The following ADGRV1 variants were observed in gnomAD, a reference collection of about 807,000 sequenced individuals.
The protein encoded by ADGRV1 is adhesion G protein-coupled receptor V1, also known as G-protein coupled receptor 98.
Under a neutral mutation model 596.2 loss-of-function variants are expected in ADGRV1, and 359 were observed. The observed-to-expected ratio is 0.60, with a 90% CI of 0.55 to 0.66. The LOEUF is 0.66. Among genes scored for constraint, ADGRV1 ranks in the 30% least tolerant of loss-of-function variants. ADGRV1 has a pLI of 0.00. For synonymous variants in ADGRV1, 2,681 were observed against 2,679.2 expected, an observed-to-expected ratio of 1.00 and a Z score of -0.02; for missense variants, 7,274 against 7,575.6, an observed-to-expected ratio of 0.96 and a Z score of 1.48.
intron 15 of ADGRV1, among the ~76,000 whole-genome samples, chr5:90,645,178 G>A (rs75840032): frequency 2.6e-5 from 4 of 152,242 alleles, no homozygotes; most frequent in African/African-American, 4.8e-5. Flanking sequence ...CATCTATCAA[G>A]TGTCCTGTGG....
intron 87 of ADGRV1, among the ~76,000 whole-genome samples, chr5:91,137,089 A>G (rs985165517): frequency 6.6e-6 from 1 of 152,208 alleles, no homozygotes; most frequent in African/African-American, 2.4e-5. Context: ...AAAATTGGCT[A>G]TGCAATAAAT....
Position 90,848,639 on chromosome 5 carries a change from AACT to A in ADGRV1, c.17026_17028del (p.Thr5676del), listed in dbSNP as rs1766156284. 2.1e-6 allele frequency: 3 copies of A among 1,462,194 alleles called. No individual in the cohort carries two copies. The highest frequency in any genetic ancestry group is 1.8e-6 in the Non-Finnish European group (2 of 1,108,718). The allele number at this position is 1,462,194 out of a possible 1,614,324, so 90.6% of individuals were successfully genotyped here. On this transcript the variant is annotated inframe_deletion, in exon 79 of 90. Transcript: ENST00000405460. ...TTATACTTAGATTCTTTTTCCAGAT[AACT>A]ACTGAAGGAAAAATTCAAGCTTTCA...
chr5:91,003,645 T>C (rs952434583), intron 85 of ADGRV1, among the ~76,000 whole-genome samples: 5 of 152,126 alleles, frequency 3.3e-5, no homozygotes, highest in Admixed American at 6.6e-5. Context: ...CACACTAAAA[T>C]TTAGGAAGAT....
chr5:90,691,255 T>C, intron 31 of ADGRV1: 1 of 619,342 alleles, frequency 1.6e-6, no homozygotes, highest in South Asian at 1.6e-5. Context: ...TTTACTACTA[T>C]AAGACTTTTT....
intron 65 of ADGRV1, 120 bp from the exon 66 acceptor site, chr5:90,783,004 A>G (rs113674072): frequency 0.023 from 16,913 of 749,272 alleles, 269 homozygotes; most frequent in Middle Eastern, 0.06. Context: ...TAAAAGAACT[A>G]TGAAAACATA....
intron 87 of ADGRV1, among the ~76,000 whole-genome samples, chr5:91,112,634 A>T (rs1007526280): frequency 1.3e-5 from 2 of 152,090 alleles, no homozygotes; most frequent in Non-Finnish European, 2.9e-5. Flanking sequence ...AGGATCTAAA[A>T]CTTTATTCTT....
At chr5:90,984,471 T>C (rs185217335) in intron 84 of ADGRV1, among the ~76,000 whole-genome samples, 5 of 152,300 alleles carry the variant, frequency 3.3e-5, no homozygotes, top group East Asian at 3.9e-4. Flanking sequence ...TTCTTACTCT[T>C]ATTTATTTAA....
Position 90,647,388 on chromosome 5 carries a change from G to A in ADGRV1, c.3023-110G>A, listed in dbSNP as rs533032136. ...GAACAGAGCTAATTATTTTGGCAAA[G>A]ACACAGTACAAGGCTTCTCTCTTGG... On this transcript the variant is annotated intron_variant, in intron 16 of 89. Transcript: ENST00000405460. 3.2e-5 allele frequency: 35 copies of A among 1,087,218 alleles called. No homozygotes were observed. In the East Asian group the frequency reaches 8.1e-4, roughly 25 times the overall value. 67.3% of individuals were successfully genotyped at this position (1,087,218 alleles called of 1,614,324 possible). A position where few individuals can be genotyped will look rare whatever the true frequency, so the allele number is the denominator to read the frequency against.
intron 59 of ADGRV1, among the ~76,000 whole-genome samples, chr5:90,766,103 G>GT (rs1355723417): frequency 6.6e-6 from 1 of 151,972 alleles, no homozygotes; most frequent in Non-Finnish European, 1.5e-5. Flanking sequence ...GTGAGACAGG[G>GT]TTTCACTGTG....
intron 85 of ADGRV1, among the ~76,000 whole-genome samples, chr5:90,992,331 C>G (rs1781040585): frequency 6.6e-6 from 1 of 152,202 alleles, no homozygotes; most frequent in Non-Finnish European, 1.5e-5. Context: ...ATACCTTGTT[C>G]TCTTAGTTTG....
At chr5:90,599,701 G>A (rs1025124069) in intron 1 of ADGRV1, among the ~76,000 whole-genome samples, 1 of 151,916 alleles carries the variant, frequency 6.6e-6, no homozygotes, top group East Asian at 1.9e-4. Flanking sequence ...TAAGCATATC[G>A]ACAAAACATC....
At chr5:90,834,124 AT>A in intron 77 of ADGRV1, among the ~76,000 whole-genome samples, 1 of 152,172 alleles carries the variant, frequency 6.6e-6, no homozygotes, top group Middle Eastern at 3.4e-3. Flanking sequence ...TGTAGTTATT[AT>A]TTTTTATCCG....
chr5:90,918,752 T>C (rs767580829), intron 83 of ADGRV1, among the ~76,000 whole-genome samples: 3 of 152,206 alleles, frequency 2.0e-5, no homozygotes, highest in Non-Finnish European at 4.4e-5. Flanking sequence ...TACTCCACAA[T>C]GATTATTTAA....
chr5:91,006,776 G>A (rs1782316589), intron 85 of ADGRV1, among the ~76,000 whole-genome samples: 1 of 151,122 alleles, frequency 6.6e-6, no homozygotes, highest in Non-Finnish European at 1.5e-5. Context: ...AGAGAAATAC[G>A]GGTATGATAA....
chr5:90,629,281 G>T lies in ADGRV1; in HGVS notation c.1581G>T (p.Lys527Asn), dbSNP rs773127336. 3.7e-6 allele frequency: 6 copies of T among 1,612,860 alleles called. No homozygotes were observed. Among genetic ancestry groups the T allele is most frequent in the Non-Finnish European group, 3.4e-6 (4 of 1,179,492 alleles). ...CATTTTTTCCTATGGAAAACCAGAA[G>T]ATTGAAAGCAGCCCAGGTGAACGAT... is the stretch of plus-strand genomic sequence containing the variant. ...LITFFPMENQKIESSPGERYL... is the reference protein window; with the variant it reads ...LITFFPMENQNIESSPGERYL... Residue 527 changes from lysine (K) to asparagine (N), a missense_variant, in exon 9 of 90, where the codon AAG becomes AAT. Physicochemically the swap from Lys to Asn is moderately conservative, Grantham distance 94. This residue lies in a region of ADGRV1 where 1,715 missense variants were observed against 1,708.8 expected (regional missense o/e 1.00). Transcript: ENST00000405460.
chr5:91,097,611 T>C (rs1440763249), intron 86 of ADGRV1, among the ~76,000 whole-genome samples: 1 of 152,214 alleles, frequency 6.6e-6, no homozygotes, highest in African/African-American at 2.4e-5. Context: ...TGTTGGATCG[T>C]ATGGTAACTC....
At chr5:90,599,865 T>C (rs971094361) in intron 1 of ADGRV1, among the ~76,000 whole-genome samples, 3 of 152,194 alleles carry the variant, frequency 2.0e-5, no homozygotes, top group Non-Finnish European at 4.4e-5. Flanking sequence ...GATGGAGGAT[T>C]GTAGAAGTTG....
In ADGRV1 at chr5:90,965,633, G is replaced by A. The variant is rs900377491; in HGVS notation, c.17973+102G>A. On this transcript the variant is annotated intron_variant, in intron 84 of 89. Transcript: ENST00000405460. ...TCTGTACTGAAGTAGAAGTAATTCCGTATATCCATCACTGCATTCTCAGGA... is the reference window on the plus strand; with the variant it reads ...TCTGTACTGAAGTAGAAGTAATTCCATATATCCATCACTGCATTCTCAGGA... 2.9e-4 allele frequency: 176 copies of A among 603,910 alleles called. 2 individuals are homozygous for A. In the South Asian group the frequency reaches 3.4e-3, roughly 12 times the overall value. 37.4% of individuals were successfully genotyped at this position (603,910 alleles called of 1,614,324 possible).
intron 34 of ADGRV1, among the ~76,000 whole-genome samples, chr5:90,700,713 T>C (rs1747801644): frequency 6.6e-6 from 1 of 152,164 alleles, no homozygotes; most frequent in South Asian, 2.1e-4. Context: ...TAAAGAAATA[T>C]ATAGAACCGC....
Sources: allele counts gnomAD v4.1 joint callset (sites outside exome capture counted in the v4.1 genomes callset), GRCh38; gene constraint gnomAD v4.1.1; regional missense constraint gnomAD v4.1.1; transcripts MANE v1.5; gene names NCBI Gene and HGNC (gene_info 2026-07-23, HGNC 2026-07-21).